Variants in LIMA1 observed in about 807,000 individuals in gnomAD.
LIMA1 encodes the protein LIM domain and actin-binding protein 1.
A neutral mutation model predicts 62.6 loss-of-function variants in LIMA1; 52 were observed. That is an observed-to-expected ratio of 0.83 (90% CI 0.67 to 1.05). The LOEUF (loss-of-function observed/expected upper bound fraction) is 1.05. Among genes scored for constraint, LIMA1 ranks in the 50% least tolerant of loss-of-function variants. The pLI, the probability that LIMA1 is intolerant of heterozygous loss-of-function variation, is 0.00. For synonymous variants in LIMA1, 302 were observed against 317.8 expected, an observed-to-expected ratio of 0.95 and a Z score of 0.53; for missense variants, 780 against 902.2, an observed-to-expected ratio of 0.86 and a Z score of 1.74.
At chr12:50,250,068 G>A (rs1444262769) in intron 1 of LIMA1, among the ~76,000 whole-genome samples, 2 of 151,906 alleles carry the variant, frequency 1.3e-5, no homozygotes, top group Non-Finnish European at 2.9e-5. Context: ...GAGGTGGGTG[G>A]ATCACTTGAG....
chr12:50,218,583 A>AG (rs929728591), intron 4 of LIMA1, among the ~76,000 whole-genome samples: 14 of 152,274 alleles, frequency 9.2e-5, no homozygotes, highest in African/African-American at 3.4e-4. Flanking sequence ...AATGATGCCA[A>AG]GGTGCTCTGT....
chr12:50,183,781 A>C (rs1174882294), intron 9 of LIMA1, among the ~76,000 whole-genome samples: 2 of 128,846 alleles, frequency 1.6e-5, no homozygotes, highest in African/African-American at 6.0e-5. Flanking sequence ...ACTGCACTCC[A>C]GCTTGGGCAA....
intron 6 of LIMA1, 66 bp from the exon 7 acceptor site, chr12:50,200,950 A>T: frequency 1.9e-6 from 3 of 1,564,864 alleles, no homozygotes; most frequent in Non-Finnish European, 2.6e-6. Context: ...TTCATAGCAC[A>T]TCTATTAGAT....
At chr12:50,235,799 T>C (rs1308799559) in intron 2 of LIMA1, among the ~76,000 whole-genome samples, 2 of 152,132 alleles carry the variant, frequency 1.3e-5, no homozygotes, top group Admixed American at 1.3e-4. Context: ...AAAAAATTAA[T>C]TTCCCTAGAA....
chr12:50,191,390 G>C (rs1237693502), intron 9 of LIMA1: 2 of 151,034 alleles, frequency 1.3e-5, no homozygotes, highest in Non-Finnish European at 2.9e-5. Flanking sequence ...GCCAGGCATG[G>C]TGGCATGTGC....
At chr12:50,262,955 T>C (rs944170934) in intron 1 of LIMA1, among the ~76,000 whole-genome samples, 1 of 152,232 alleles carries the variant, frequency 6.6e-6, no homozygotes, top group Non-Finnish European at 1.5e-5. Context: ...GGAAAATGGC[T>C]GCTCTTTAAA....
chr12:50,208,237 G>A (rs1003257686), intron 4 of LIMA1, among the ~76,000 whole-genome samples: 4 of 152,128 alleles, frequency 2.6e-5, no homozygotes, highest in Non-Finnish European at 5.9e-5. Flanking sequence ...TGTAATCCCA[G>A]CACTTTGGGA....
intron 2 of LIMA1, among the ~76,000 whole-genome samples, chr12:50,243,970 A>T (rs1046267194): frequency 1.3e-5 from 2 of 151,722 alleles, no homozygotes; most frequent in Non-Finnish European, 2.9e-5. Context: ...GCTGGAGTGC[A>T]GTGGCATGAT....
At chr12:50,239,541 G>A (rs1436824567) in intron 2 of LIMA1, among the ~76,000 whole-genome samples, 1 of 152,178 alleles carries the variant, frequency 6.6e-6, no homozygotes, top group Non-Finnish European at 1.5e-5. Context: ...CTCGGAGACT[G>A]AGGTGGGAGG....
At chr12:50,249,273 G>C (rs1941894999) in intron 1 of LIMA1, among the ~76,000 whole-genome samples, 1 of 152,150 alleles carries the variant, frequency 6.6e-6, no homozygotes, top group South Asian at 2.1e-4. Flanking sequence ...AGGGCTTTAA[G>C]GTGAGACAGA....
intron 1 of LIMA1, among the ~76,000 whole-genome samples, chr12:50,266,625 T>G (rs1942142135): frequency 6.6e-6 from 1 of 152,200 alleles, no homozygotes; most frequent in South Asian, 2.1e-4. Context: ...GCGGGGTGCA[T>G]CTACGGCATA....
rs370081421 is a variant in LIMA1, at chr12:50,177,613, C to A, written c.1731G>T (p.Lys577Asn). 1 of 1,611,026 alleles carries A rather than the reference C, an allele frequency of 6.2e-7. No individual in the cohort carries two copies. The highest frequency in any genetic ancestry group is 8.5e-7 in the Non-Finnish European group (1 of 1,178,696). ...VPEDVDLDLKKLRRSSSLKER... is the reference protein window; with the variant it reads ...VPEDVDLDLKNLRRSSSLKER... ...CCTTCAGTGAAGAAGATCGTCTTAGCTTCTTCAGATCTAGATCGACATCCT... is the reference window on the plus strand; with the variant it reads ...CCTTCAGTGAAGAAGATCGTCTTAGATTCTTCAGATCTAGATCGACATCCT... The change falls in exon 11 of 11, where the codon AAG (lysine) becomes AAT (asparagine). Residue 577 changes from lysine (K) to asparagine (N), a missense_variant. By Grantham distance (94) the Lys-to-Asn change is moderately conservative (BLOSUM62 0). Coordinates refer to ENST00000341247, the MANE Select transcript of LIMA1 (RefSeq NM_016357.5).
intron 2 of LIMA1, among the ~76,000 whole-genome samples, chr12:50,241,933 ATTTTTTTTTTTTTTTT>A (rs577308413): frequency 0.015 from 549 of 36,430 alleles, 7 homozygotes; most frequent in East Asian, 0.04. Flanking sequence ...TCCTTCCCAG[ATTTTTTTTTTTTTTTT>A]TTTTTTTTTT....
intron 2 of LIMA1, among the ~76,000 whole-genome samples, chr12:50,241,203 G>A (rs891793183): frequency 2.0e-5 from 3 of 152,076 alleles, no homozygotes; most frequent in African/African-American, 7.2e-5. Flanking sequence ...TAATATATCT[G>A]TCTAAGAGAT....
At chr12:50,230,677 C>T (rs375224854) in intron 3 of LIMA1, among the ~76,000 whole-genome samples, 2 of 151,740 alleles carry the variant, frequency 1.3e-5, no homozygotes, top group African/African-American at 2.4e-5. Context: ...CCCAGGTTCA[C>T]GCCATTCTCC....
At chr12:50,212,082 T>C (rs1300333498) in intron 4 of LIMA1, among the ~76,000 whole-genome samples, 7 of 152,214 alleles carry the variant, frequency 4.6e-5, no homozygotes, top group Non-Finnish European at 8.8e-5. Flanking sequence ...GATGTACTAG[T>C]AAGAGGATAA....
At chr12:50,261,839 T>C (rs1942077034) in intron 1 of LIMA1, among the ~76,000 whole-genome samples, 1 of 152,176 alleles carries the variant, frequency 6.6e-6, no homozygotes, top group South Asian at 2.1e-4. Flanking sequence ...GCTCACACTG[T>C]AATTTTTTAA....
At chr12:50,268,337 A>G (rs1592567964) in intron 1 of LIMA1, among the ~76,000 whole-genome samples, 1 of 152,256 alleles carries the variant, frequency 6.6e-6, no homozygotes, top group Non-Finnish European at 1.5e-5. Context: ...GCTTTCAGAT[A>G]AGGGTGGTAC....
chr12:50,234,907 A>C (rs762261422), intron 2 of LIMA1, among the ~76,000 whole-genome samples: 15 of 151,962 alleles, frequency 9.9e-5, no homozygotes, highest in Non-Finnish European at 1.9e-4. Flanking sequence ...GCTACCGGGG[A>C]GGCTGAGATA....
Sources: allele counts gnomAD v4.1 joint callset (sites outside exome capture counted in the v4.1 genomes callset), GRCh38; gene constraint gnomAD v4.1.1; transcripts MANE v1.5; gene names NCBI Gene and HGNC (gene_info 2026-07-23, HGNC 2026-07-21).